Variants in MNAT1 observed in about 807,000 individuals in gnomAD.
The protein encoded by MNAT1 is CDK-activating kinase assembly factor MAT1.
Under a neutral mutation model 42.0 loss-of-function variants are expected in MNAT1, and 43 were observed. The observed-to-expected ratio is 1.02, with a 90% CI of 0.80 to 1.32. The LOEUF is 1.32. Among genes scored for constraint, MNAT1 ranks in the 40% most tolerant of loss-of-function variants. MNAT1 has a pLI of 0.00. For synonymous variants in MNAT1, 118 were observed against 120.0 expected (o/e 0.98, Z 0.11); for missense variants, 306 against 350.4 (o/e 0.87, Z 1.01).
chr14:60,922,629 G>T (rs1316861665), intron 7 of MNAT1, among the ~76,000 whole-genome samples: 1 of 151,628 alleles, frequency 6.6e-6, no homozygotes, highest in Non-Finnish European at 1.5e-5. Context: ...TGATGTTTCT[G>T]AAATAAATTT....
At chr14:60,805,160 C>T (rs1446847961) in intron 3 of MNAT1, among the ~76,000 whole-genome samples, 1 of 151,982 alleles carries the variant, frequency 6.6e-6, no homozygotes, top group Non-Finnish European at 1.5e-5. Context: ...TTTATTTTTT[C>T]TCTCATGATA....
At chr14:60,754,587 G>C (rs542314080) in intron 1 of MNAT1, among the ~76,000 whole-genome samples, 2 of 152,176 alleles carry the variant, frequency 1.3e-5, no homozygotes, top group Admixed American at 6.5e-5. Flanking sequence ...CTGACCTTGT[G>C]ATCTGCCCGC....
At chr14:60,877,022 C>T (rs531352683) in intron 6 of MNAT1, among the ~76,000 whole-genome samples, 1 of 152,088 alleles carries the variant, frequency 6.6e-6, no homozygotes, top group Non-Finnish European at 1.5e-5. Context: ...CCGTTTTCCA[C>T]AGCAGCTATA....
At chr14:60,878,767 T>C (rs1416806286) in intron 6 of MNAT1, among the ~76,000 whole-genome samples, 1 of 152,134 alleles carries the variant, frequency 6.6e-6, no homozygotes, top group Non-Finnish European at 1.5e-5. Flanking sequence ...GTTTTTGTCT[T>C]CAGTACTGGT....
At chr14:60,800,214 T>C (rs1202343167) in intron 3 of MNAT1, among the ~76,000 whole-genome samples, 1 of 152,134 alleles carries the variant, frequency 6.6e-6, no homozygotes, top group Non-Finnish European at 1.5e-5. Flanking sequence ...TGTAAAACTC[T>C]AGAAGGATTC....
chr14:60,823,975 G>A (rs773313815), intron 6 of MNAT1, among the ~76,000 whole-genome samples: 2 of 151,852 alleles, frequency 1.3e-5, no homozygotes, highest in Non-Finnish European at 2.9e-5. Flanking sequence ...TGGCCAAGAT[G>A]GTGAAACCCT....
intron 7 of MNAT1, among the ~76,000 whole-genome samples, chr14:60,889,664 A>C (rs976444474): frequency 3.9e-5 from 6 of 152,210 alleles, no homozygotes; most frequent in African/African-American, 1.4e-4. Flanking sequence ...GTGAACAGGC[A>C]ACCTACAAAA....
At chr14:60,780,156 A>G in intron 1 of MNAT1, 2 of 1,517,972 alleles carry the variant, frequency 1.3e-6, no homozygotes, top group Non-Finnish European at 1.8e-6. Flanking sequence ...ACTGATCTTG[A>G]GCTCATAAAA....
At chr14:60,792,729 G>A (rs1280983829) in intron 1 of MNAT1, among the ~76,000 whole-genome samples, 4 of 152,090 alleles carry the variant, frequency 2.6e-5, no homozygotes, top group Non-Finnish European at 4.4e-5. Context: ...AAATTTTGAC[G>A]AGAATATTCT....
At chr14:60,951,949 C>A (rs1470805303) in intron 7 of MNAT1, among the ~76,000 whole-genome samples, 1 of 152,168 alleles carries the variant, frequency 6.6e-6, no homozygotes, top group Non-Finnish European at 1.5e-5. Flanking sequence ...TGGGTAGTCT[C>A]ATTCCTTATG....
intron 7 of MNAT1, among the ~76,000 whole-genome samples, chr14:60,919,061 G>C (rs1364670215): frequency 1.3e-5 from 2 of 151,998 alleles, no homozygotes; most frequent in African/African-American, 4.8e-5. Context: ...TACACACCGA[G>C]AGAGACAGAC....
chr14:60,836,100 C>T (rs1285633573), intron 6 of MNAT1, among the ~76,000 whole-genome samples: 10 of 152,052 alleles, frequency 6.6e-5, no homozygotes, highest in Non-Finnish European at 5.9e-5. Flanking sequence ...CATTTATGTT[C>T]TTCTTTAAAC....
At chr14:60,870,770 A>G (rs1366225499) in intron 6 of MNAT1, among the ~76,000 whole-genome samples, 1 of 152,332 alleles carries the variant, frequency 6.6e-6, no homozygotes, top group East Asian at 1.9e-4. Flanking sequence ...CATAAGAATT[A>G]CTTATTTAAA....
chr14:60,882,618 C>G (rs139450947), intron 7 of MNAT1, among the ~76,000 whole-genome samples: 14 of 152,262 alleles, frequency 9.2e-5, no homozygotes, highest in African/African-American at 3.4e-4. Context: ...ATTGCTGGAT[C>G]ATATAGTAGC....
At chr14:60,852,430 A>G (rs141783121) in intron 6 of MNAT1, among the ~76,000 whole-genome samples, 1,977 of 152,074 alleles carry the variant, frequency 0.013, 45 homozygotes, top group African/African-American at 0.045. Flanking sequence ...AGTTCCTTAT[A>G]GATTCTGGAT....
intron 7 of MNAT1, among the ~76,000 whole-genome samples, chr14:60,907,964 T>A (rs2035247936): frequency 6.6e-6 from 1 of 152,128 alleles, no homozygotes; most frequent in Non-Finnish European, 1.5e-5. Context: ...AAGAAACTTT[T>A]GTAATTAAAA....
intron 1 of MNAT1, among the ~76,000 whole-genome samples, chr14:60,764,940 A>G (rs910457043): frequency 6.6e-5 from 10 of 152,142 alleles, no homozygotes; most frequent in African/African-American, 1.7e-4. Flanking sequence ...CTCCCAGTTC[A>G]GAAGGTTGTG....
intron 7 of MNAT1, among the ~76,000 whole-genome samples, chr14:60,885,838 A>T (rs1167076080): frequency 6.6e-6 from 1 of 152,010 alleles, no homozygotes; most frequent in Non-Finnish European, 1.5e-5. Context: ...AACCATTGCC[A>T]AAGTTAACAT....
chr14:60,910,211 A>C (rs921998066), intron 7 of MNAT1, among the ~76,000 whole-genome samples: 1 of 152,212 alleles, frequency 6.6e-6, no homozygotes, highest in Non-Finnish European at 1.5e-5. Context: ...TTATCAGCTT[A>C]AGGAGATTTT....
Sources: allele counts gnomAD v4.1 joint callset (sites outside exome capture counted in the v4.1 genomes callset), GRCh38; gene constraint gnomAD v4.1.1; transcripts MANE v1.5; gene names NCBI Gene and HGNC (gene_info 2026-07-23, HGNC 2026-07-21).